Variants in UVRAG observed in about 807,000 individuals in gnomAD.
The protein encoded by UVRAG is UV radiation resistance-associated gene protein.
In UVRAG, 19 loss-of-function variants were observed where a neutral mutation model predicts 78.0. That is an observed-to-expected ratio of 0.24 (90% CI 0.17 to 0.36). The LOEUF is 0.36. UVRAG is among the 10% of genes least tolerant of loss of function. UVRAG has a pLI of 1.00. For synonymous variants in UVRAG, 323 were observed against 324.6 expected, an observed-to-expected ratio of 1.00 and a Z score of 0.05; for missense variants, 740 against 853.8, an observed-to-expected ratio of 0.87 and a Z score of 1.66.
At chr11:76,130,471 C>T (rs1401370142) in intron 14 of UVRAG, among the ~76,000 whole-genome samples, 1 of 152,146 alleles carries the variant, frequency 6.6e-6, no homozygotes, top group African/African-American at 2.4e-5. Flanking sequence ...TATACTCTGC[C>T]TCCTTTAGGA....
At chr11:75,910,269 CTTAT>C (rs1947706609) in intron 5 of UVRAG, among the ~76,000 whole-genome samples, 4 of 152,086 alleles carry the variant, frequency 2.6e-5, no homozygotes, top group Admixed American at 6.5e-5. Context: ...GTATGTGGTG[CTTAT>C]TAAATACCTT....
At chr11:75,824,116 C>T (rs1184351261) in intron 1 of UVRAG, among the ~76,000 whole-genome samples, 1 of 152,140 alleles carries the variant, frequency 6.6e-6, no homozygotes, top group African/African-American at 2.4e-5. Context: ...GGAACATGTG[C>T]CTCACGCAAT....
At chr11:75,908,048 T>A (rs1947655937) in intron 5 of UVRAG, among the ~76,000 whole-genome samples, 1 of 152,182 alleles carries the variant, frequency 6.6e-6, no homozygotes, top group African/African-American at 2.4e-5. Flanking sequence ...CTTACAAAAC[T>A]GAAACTCTTT....
At chr11:76,057,307 A>G (rs1171348667) in intron 12 of UVRAG, among the ~76,000 whole-genome samples, 1 of 152,198 alleles carries the variant, frequency 6.6e-6, no homozygotes, top group Non-Finnish European at 1.5e-5. Flanking sequence ...GCCCGAACCA[A>G]TGGATATCTG....
At chr11:75,936,762 T>C (rs937672307) in intron 6 of UVRAG, among the ~76,000 whole-genome samples, 1 of 152,224 alleles carries the variant, frequency 6.6e-6, no homozygotes, top group African/African-American at 2.4e-5. Context: ...AAAAACCCAC[T>C]GTTGATTGAC....
At chr11:75,912,139 G>C (rs572508504) in intron 6 of UVRAG, 100 bp downstream of exon 6, 165 of 853,126 alleles carry the variant, frequency 1.9e-4, no homozygotes, top group Non-Finnish European at 2.7e-4. Flanking sequence ...TTTAGAGGCT[G>C]TTATTCAAGC....
rs1047915166 is a variant in UVRAG at position 75,960,691 on chromosome 11, C to T, written c.594-753C>T. ...CTGAGGTAGGAGAATCACTTGAGCC[C>T]GGGAGGTCAAGGCTGCAGTGAGCCG... On this transcript the variant is annotated intron_variant, in intron 6 of 14. Transcript: ENST00000356136. Among the ~76,000 whole-genome samples, 5 of 152,066 alleles carry T rather than the reference C, an allele frequency of 3.3e-5. No individual in the cohort carries two copies. In the East Asian group the frequency reaches 5.8e-4, roughly 18 times the overall value.
intron 1 of UVRAG, among the ~76,000 whole-genome samples, chr11:75,843,415 A>C (rs1263580013): frequency 6.6e-6 from 1 of 152,216 alleles, no homozygotes; most frequent in East Asian, 1.9e-4. Context: ...AATAAACCTT[A>C]CAGTATAAGT....
rs751432242 is a variant in UVRAG at position 76,140,778 on chromosome 11, G to A, written c.1465G>A (p.Asp489Asn). 1.2e-6 allele frequency: 2 copies of A among 1,613,800 alleles called. No homozygotes were observed. The highest frequency in any genetic ancestry group is 1.7e-6 in the Non-Finnish European group (2 of 1,179,926). The change falls in exon 15 of 15, where the codon GAT becomes AAT. Residue 489 changes from aspartate to asparagine, a missense_variant. Physicochemically the swap from Asp to Asn is conservative, Grantham distance 23. Coordinates refer to ENST00000356136, the MANE Select transcript of UVRAG (RefSeq NM_003369.4). ...ACAAAGCTCCATATTTGGGGGTGCAGATGTAGGCTTCTCTGGGGGGATCCC... is the reference window on the plus strand; with the variant it reads ...ACAAAGCTCCATATTTGGGGGTGCAAATGTAGGCTTCTCTGGGGGGATCCC... Reference protein sequence around the residue: ...KRQSSIFGGADVGFSGGIPSP... With the variant: ...KRQSSIFGGANVGFSGGIPSP...
At chr11:75,941,566 T>A (rs1294097152) in intron 6 of UVRAG, among the ~76,000 whole-genome samples, 1 of 152,132 alleles carries the variant, frequency 6.6e-6, no homozygotes, top group Admixed American at 6.5e-5. Context: ...GAAATGTTGA[T>A]CCACTTGTTT....
chr11:76,098,946 C>G (rs976125615), intron 13 of UVRAG, among the ~76,000 whole-genome samples: 2 of 152,166 alleles, frequency 1.3e-5, no homozygotes, highest in African/African-American at 4.8e-5. Flanking sequence ...TACTCCCAGA[C>G]ATGCATCCAC....
intron 1 of UVRAG, among the ~76,000 whole-genome samples, chr11:75,819,472 C>T (rs183278673): frequency 6.6e-5 from 10 of 152,128 alleles, no homozygotes; most frequent in Admixed American, 3.9e-4. Flanking sequence ...CTCAGCCTTC[C>T]GCATAGCTGG....
At chr11:75,862,463 C>T (rs1013312904) in intron 3 of UVRAG, among the ~76,000 whole-genome samples, 1 of 152,208 alleles carries the variant, frequency 6.6e-6, no homozygotes, top group African/African-American at 2.4e-5. Context: ...TAGTAATGGT[C>T]CAGTACCATC....
At chr11:76,044,390 C>G (rs906736718) in intron 12 of UVRAG, among the ~76,000 whole-genome samples, 1 of 152,216 alleles carries the variant, frequency 6.6e-6, no homozygotes, top group Non-Finnish European at 1.5e-5. Flanking sequence ...ATTTTAATCA[C>G]TAGTAGTAAA....
At position 75,881,117 on chromosome 11, in the gene UVRAG, C is replaced by T. The variant is rs527721653; in HGVS notation, c.432+1077C>T. Among the ~76,000 whole-genome samples the T allele has an allele frequency of 3.7e-4, 55 of 150,536 alleles. 1 individual carries two copies. Among genetic ancestry groups the T allele is most frequent in the Admixed American group, 3.0e-3 (46 of 15,096 alleles). On this transcript the variant is annotated intron_variant, in intron 4 of 14. Coordinates refer to ENST00000356136, the MANE Select transcript of UVRAG (RefSeq NM_003369.4). ...GCAAGTAGCTGGGACTACAGGCAGG[C>T]GCCATCATGCCCAGCTAATTTTTAT... is the stretch of plus-strand genomic sequence containing the variant.
chr11:75,933,469 C>G (rs918667268), intron 6 of UVRAG, among the ~76,000 whole-genome samples: 1 of 152,102 alleles, frequency 6.6e-6, no homozygotes, highest in African/African-American at 2.4e-5. Flanking sequence ...GAGCAATATC[C>G]CACAAGCACA....
At chr11:76,134,455 G>T (rs1952567316) in intron 14 of UVRAG, among the ~76,000 whole-genome samples, 1 of 152,086 alleles carries the variant, frequency 6.6e-6, no homozygotes, top group Non-Finnish European at 1.5e-5. Flanking sequence ...CCTTCTTGCA[G>T]CTAGCTCCCT....
At chr11:76,018,471 G>A (rs370803710) in intron 12 of UVRAG, among the ~76,000 whole-genome samples, 3 of 152,006 alleles carry the variant, frequency 2.0e-5, no homozygotes, top group Non-Finnish European at 2.9e-5. Flanking sequence ...GGGCAGTGGC[G>A]CAATCTCGGC....
chr11:76,051,835 GA>G lies in UVRAG; in HGVS notation c.1227-13869del, dbSNP rs1007366970. On this transcript the variant is annotated intron_variant, in intron 12 of 14. Coordinates refer to ENST00000356136, the MANE Select transcript of UVRAG (RefSeq NM_003369.4). ...CTTTTTTCTTCCCCCAAAGAAGGAG[GA>G]AAAAACAATCACTCCTCTTTTTGTT... Among the ~76,000 whole-genome samples the G allele has an allele frequency of 5.9e-5, 9 of 152,172 alleles. 1 individual carries two copies. The highest frequency in any genetic ancestry group is 5.2e-4 in the Admixed American group (8 of 15,278).
Sources: gnomAD v4.1 joint callset for allele counts (sites outside exome capture counted in the v4.1 genomes callset) on GRCh38, gnomAD v4.1.1 for gene constraint, MANE v1.5 for transcripts, NCBI Gene and HGNC (gene_info 2026-07-23, HGNC 2026-07-21) for gene names.